The following VAV2 variants were observed in gnomAD, a reference collection of about 807,000 sequenced individuals.
VAV2 encodes guanine nucleotide exchange factor VAV2.
Under a neutral mutation model 132.5 loss-of-function variants are expected in VAV2, and 67 were observed. The ratio of observed to expected loss-of-function variants is 0.51; its 90% CI spans 0.42 to 0.62. The LOEUF is 0.62. VAV2 is among the 20% of genes least tolerant of loss of function. The pLI, the probability that VAV2 is intolerant of heterozygous loss-of-function variation, is 0.00. For missense variants in VAV2, 938 were observed against 1,153.6 expected, an observed-to-expected ratio of 0.81 and a Z score of 2.71; for synonymous variants, 492 against 443.5, an observed-to-expected ratio of 1.11 and a Z score of -1.37.
At chr9:133,960,090 T>C (rs904296133) in intron 1 of VAV2, among the ~76,000 whole-genome samples, 2 of 152,204 alleles carry the variant, frequency 1.3e-5, no homozygotes, top group African/African-American at 4.8e-5. Flanking sequence ...CTCTTTGCCA[T>C]CGCCCCTGCC....
At chr9:133,893,700 G>A (rs893591230) in intron 2 of VAV2, among the ~76,000 whole-genome samples, 3 of 152,218 alleles carry the variant, frequency 2.0e-5, no homozygotes, top group African/African-American at 4.8e-5. Flanking sequence ...GTCGCCACAC[G>A]GCAGCTTTCA....
In VAV2 at chr9:133,834,713, G is replaced by T. The variant is rs1037716396; in HGVS notation, c.381-373C>A. ...CTTCCAGGGGGTTCACAGTGGAGAT[G>T]AGGCTCCTCGCACACCTCCTGGTGG... is the stretch of plus-strand genomic sequence containing the variant. On this transcript the variant is annotated intron_variant, in intron 3 of 29. Coordinates refer to ENST00000371850, the MANE Select transcript of VAV2 (RefSeq NM_001134398.2). The surrounding 1 kb of genome is among the most constrained non-coding windows in gnomAD (Gnocchi z 5.9). 6.6e-6 allele frequency among the ~76,000 whole-genome samples: 1 copy of T among 152,204 alleles called. No individual in the cohort carries two copies. Among genetic ancestry groups the T allele is most frequent in the African/African-American group, 2.4e-5 (1 of 41,452 alleles).
At chr9:133,963,591 A>G (rs1021252203) in intron 1 of VAV2, among the ~76,000 whole-genome samples, 4 of 152,218 alleles carry the variant, frequency 2.6e-5, no homozygotes, top group Non-Finnish European at 5.9e-5. Context: ...GCATCCAATC[A>G]AAAGGGCTTG....
At chr9:133,816,978 A>C (rs1324125269) in intron 4 of VAV2, among the ~76,000 whole-genome samples, 2 of 152,230 alleles carry the variant, frequency 1.3e-5, no homozygotes, top group Non-Finnish European at 2.9e-5. Context: ...GGTCCTCTGC[A>C]TCTCCATGTA....
intron 2 of VAV2, among the ~76,000 whole-genome samples, chr9:133,910,530 G>A (rs1222435933): frequency 6.6e-6 from 1 of 152,000 alleles, no homozygotes; most frequent in Non-Finnish European, 1.5e-5. Context: ...GGGACAGAAG[G>A]CTGGGCGCGG....
In VAV2 at chr9:133,775,000, G is replaced by T. The variant is rs7875953; in HGVS notation, c.2070C>A (p.His690Gln). 4 of 1,613,486 alleles carry T rather than the reference G, an allele frequency of 2.5e-6. No individual in the cohort carries two copies. Among genetic ancestry groups the T allele is most frequent in the Admixed American group, 3.3e-5 (2 of 60,000 alleles). The change falls in exon 25 of 30, where the codon CAC becomes CAA. Residue 690 changes from histidine to glutamine, a missense_variant. Coordinates refer to ENST00000371850, the MANE Select transcript of VAV2 (RefSeq NM_001134398.2). Reference protein sequence around the residue: ...RQQTDNLLKSHASGTYLIRER... With the variant: ...RQQTDNLLKSQASGTYLIRER... ...CCCTGATCAGGTAGGTCCCGCTGGC[G>T]TGGGACTTGAGCAGGTTGTCCGTCT...
chr9:133,881,790 T>C (rs940310416), intron 2 of VAV2, among the ~76,000 whole-genome samples: 1 of 152,188 alleles, frequency 6.6e-6, no homozygotes, highest in African/African-American at 2.4e-5. Context: ...ACCAACTCCA[T>C]CCTTCATACT....
chr9:133,841,169 G>A (rs1393486290), intron 3 of VAV2, among the ~76,000 whole-genome samples: 1 of 152,104 alleles, frequency 6.6e-6, no homozygotes. Flanking sequence ...GTGCTTCCAT[G>A]AGGACTGTGG....
intron 3 of VAV2, among the ~76,000 whole-genome samples, chr9:133,845,058 T>C (rs955924893): frequency 1.3e-5 from 2 of 152,264 alleles, no homozygotes; most frequent in Non-Finnish European, 2.9e-5. Context: ...TGGAGGTCTG[T>C]TGCAGGAGGG....
chr9:133,785,653 C>A (rs181935302), intron 17 of VAV2, 123 bp downstream of exon 17: 1 of 789,986 alleles, frequency 1.3e-6, no homozygotes, highest in East Asian at 2.7e-5. Context: ...GTGTCCCTGA[C>A]GTTCCAACTT....
chr9:133,784,338 T>C lies in VAV2; in HGVS notation c.1613A>G (p.Lys538Arg). ...ACACCTGAGGAACATTTTGCAGGCT[T>C]TGCAGTTGGTGGTCTTGTCAAACGT... ...MYTFDKTTNC[K>R]ACKMFLRGTF... is the part of the protein sequence containing the mutation. Residue 538 changes from lysine (K) to arginine (R), a missense_variant, in exon 18 of 30, where the codon AAA becomes AGA. Coordinates refer to ENST00000371850, the MANE Select transcript of VAV2 (RefSeq NM_001134398.2). The C allele has an allele frequency of 6.2e-7, 1 of 1,614,184 alleles. No homozygotes were observed. Among genetic ancestry groups the C allele is most frequent in the South Asian group, 1.1e-5 (1 of 91,086 alleles).
In VAV2 at chr9:133,840,179, G is replaced by A. The variant is rs1333896977; in HGVS notation, c.381-5839C>T. 1.3e-5 allele frequency among the ~76,000 whole-genome samples: 2 copies of A among 152,182 alleles called. No individual in the cohort carries two copies. Among genetic ancestry groups the A allele is most frequent in the Non-Finnish European group, 1.5e-5 (1 of 68,032 alleles). ...GCAGTCATCCTGGCTCCCCAGGGGC[G>A]GCTGCATCCCTCTCCTCCCACCAGA... On this transcript the variant is annotated intron_variant, in intron 3 of 29. Transcript: ENST00000371850. The surrounding 1 kb of genome is among the most constrained non-coding windows in gnomAD (Gnocchi z 4.5).
At position 133,918,506 on chromosome 9, in the gene VAV2, C is replaced by G. The variant is rs1194559996; in HGVS notation, c.321+20597G>C. Among the ~76,000 whole-genome samples, 3 of 146,788 alleles carry G rather than the reference C, an allele frequency of 2.0e-5. No individual in the cohort carries two copies. On this transcript the variant is annotated intron_variant, in intron 2 of 29. Transcript: ENST00000371850. This position sits in a 1 kb window ranked among gnomAD's most constrained non-coding sequence, Gnocchi z 4.7. ...TAAGAGTCAGCCTGGAATCTCTGAG[C>G]CCCAACTAGTGCCAGGACAGTGCCA...
At chr9:133,865,807 G>C (rs972886832) in intron 2 of VAV2, among the ~76,000 whole-genome samples, 1 of 152,222 alleles carries the variant, frequency 6.6e-6, no homozygotes, top group East Asian at 1.9e-4. Context: ...GTTCTATGCT[G>C]TAAGTGCATC....
rs116792118 is a variant in VAV2 at position 133,804,956 on chromosome 9, G to C, written c.836+1125C>G. Among the ~76,000 whole-genome samples the C allele has an allele frequency of 0.11, 16,978 of 152,212 alleles. 1,135 individuals carry two copies. The highest frequency in any genetic ancestry group is 0.16 in the South Asian group (750 of 4,818). ...AACCCTCCAAGCCATGGCCCCTGGA[G>C]AGCAGGCTCCAGGACCCTCCTCACA... On this transcript the variant is annotated intron_variant, in intron 9 of 29. Coordinates refer to ENST00000371850, the MANE Select transcript of VAV2 (RefSeq NM_001134398.2). This position sits in a 1 kb window ranked among gnomAD's most constrained non-coding sequence, Gnocchi z 4.5.
intron 3 of VAV2, among the ~76,000 whole-genome samples, chr9:133,844,472 G>C (rs1234517618): frequency 6.6e-6 from 1 of 152,248 alleles, no homozygotes; most frequent in African/African-American, 2.4e-5. Flanking sequence ...GAGGCTCTAG[G>C]ACAGGGGCGT....
rs185048871 is a variant in VAV2, at chr9:133,990,406, T to C, written c.204+1669A>G. On this transcript the variant is annotated intron_variant, in intron 1 of 29. Coordinates refer to ENST00000371850, the MANE Select transcript of VAV2 (RefSeq NM_001134398.2). ...AGTGCAGGAGCTGAGCCAAGCCACC[T>C]GCCACAGCCACGGCCCCCTCCTCTT... Among the ~76,000 whole-genome samples the C allele has an allele frequency of 2.2e-4, 34 of 152,292 alleles. No homozygotes were observed. In the East Asian group the frequency reaches 6.2e-3, roughly 28 times the overall value.
rs182901464 is a variant in VAV2, at chr9:133,991,184, T to G, written c.204+891A>C. Reference sequence around the variant, plus strand: ...CTGGGTGGACCCGGCTGCCACCCGCTCTGCCTCCCCCGACCTCTTCTAAGC... The same window carrying G: ...CTGGGTGGACCCGGCTGCCACCCGCGCTGCCTCCCCCGACCTCTTCTAAGC... On this transcript the variant is annotated intron_variant, in intron 1 of 29. Coordinates refer to ENST00000371850, the MANE Select transcript of VAV2 (RefSeq NM_001134398.2). This position sits in a 1 kb window ranked among gnomAD's most constrained non-coding sequence, Gnocchi z 4.8. 8.1e-3 allele frequency among the ~76,000 whole-genome samples: 1,233 copies of G among 152,184 alleles called. 13 individuals carry two copies. The highest frequency in any genetic ancestry group is 0.028 in the African/African-American group (1,155 of 41,544).
intron 1 of VAV2, among the ~76,000 whole-genome samples, chr9:133,941,306 G>T (rs1009047343): frequency 6.6e-6 from 1 of 151,990 alleles, no homozygotes; most frequent in African/African-American, 2.4e-5. Context: ...TACTCGGGAG[G>T]CTGCGGCAAG....
Sources: allele counts gnomAD v4.1 joint callset (sites outside exome capture counted in the v4.1 genomes callset), GRCh38; gene constraint gnomAD v4.1.1; non-coding constraint Gnocchi (gnomAD v3.1); transcripts MANE v1.5; gene names NCBI Gene and HGNC (gene_info 2026-07-23, HGNC 2026-07-21).